NFIC: variants seen among roughly 807,000 people sequenced by gnomAD.
NFIC encodes nuclear factor I C, also known as nuclear factor 1 C-type.
Under a neutral mutation model 54.4 loss-of-function variants are expected in NFIC, and 12 were observed. The ratio of observed to expected loss-of-function variants is 0.22; its 90% CI spans 0.14 to 0.36. The LOEUF is 0.36. Ranked by LOEUF, NFIC falls within the 10% of genes least tolerant of loss-of-function variation. The pLI, the probability that NFIC is intolerant of heterozygous loss-of-function variation, is 1.00. For synonymous variants in NFIC, 322 were observed against 319.2 expected, an observed-to-expected ratio of 1.01 and a Z score of -0.09; for missense variants, 575 against 718.2, an observed-to-expected ratio of 0.80 and a Z score of 2.28.
At chr19:3,435,978 C>T (rs1271575973) in intron 6 of NFIC, among the ~76,000 whole-genome samples, 2 of 151,996 alleles carry the variant, frequency 1.3e-5, no homozygotes, top group African/African-American at 2.4e-5. Flanking sequence ...AGGCATGCAC[C>T]ACCATGCCCG....
At chr19:3,392,274 G>A (rs931647742) in intron 2 of NFIC, among the ~76,000 whole-genome samples, 1 of 152,048 alleles carries the variant, frequency 6.6e-6, no homozygotes, top group African/African-American at 2.4e-5. Flanking sequence ...GTTTCACTAT[G>A]TTGGCCAGGC....
chr19:3,361,892 A>C (rs1311505012), upstream of NFIC, among the ~76,000 whole-genome samples: 2 of 152,146 alleles, frequency 1.3e-5, no homozygotes, highest in Admixed American at 6.5e-5. Flanking sequence ...CTGTGTCTGC[A>C]TGACTCTGCA....
rs1408385322 is a variant in NFIC, at chr19:3,452,749, AC to A, written c.1269+85del. ...GGCCACGTGCTCACACGAAGGCACA[AC>A]CTCTGCTTAAAAGGGTCTTGAGGAC... On this transcript the variant is annotated intron_variant, in intron 8 of 10. Coordinates refer to ENST00000443272, the MANE Select transcript of NFIC (RefSeq NM_001245002.2). This position sits in a 1 kb window ranked among gnomAD's most constrained non-coding sequence, Gnocchi z 5.3. 4 of 1,474,306 alleles carry A rather than the reference AC, an allele frequency of 2.7e-6. No individual in the cohort carries two copies. The highest frequency in any genetic ancestry group is 2.7e-6 in the Non-Finnish European group (3 of 1,103,104). The allele number at this position is 1,474,306 out of a possible 1,614,324, so 91.3% of individuals were successfully genotyped here.
At chr19:3,429,914 G>A (rs1316271289) in intron 3 of NFIC, among the ~76,000 whole-genome samples, 2 of 152,148 alleles carry the variant, frequency 1.3e-5, no homozygotes, top group East Asian at 1.9e-4. Context: ...CAACAGTCAC[G>A]GGGCGGTTGC....
At chr19:3,402,039 T>C (rs1443055783) in intron 2 of NFIC, among the ~76,000 whole-genome samples, 4 of 146,730 alleles carry the variant, frequency 2.7e-5, no homozygotes, top group African/African-American at 1.1e-4. Context: ...ATTTATTTTC[T>C]TTCTTATTTT....
intron 2 of NFIC, 40 bp downstream of exon 2, chr19:3,382,283 G>GGT (rs1348781174): frequency 1.5e-5 from 23 of 1,575,802 alleles, no homozygotes; most frequent in Non-Finnish European, 1.8e-5. Flanking sequence ...CAGCGGGGAG[G>GGT]GTGTCTGATG....
Position 3,370,711 on chromosome 19 carries a change from C to T in NFIC, c.30+4045C>T, listed in dbSNP as rs117939810. Among the ~76,000 whole-genome samples, 2 of 139,750 alleles carry T rather than the reference C, an allele frequency of 1.4e-5. No individual in the cohort carries two copies. The highest frequency in any genetic ancestry group is 7.3e-5 in the Admixed American group (1 of 13,724). 91.7% of individuals were successfully genotyped at this position (139,750 alleles called of 152,430 possible). A position where few individuals can be genotyped will look rare whatever the true frequency, so the allele number is the denominator to read the frequency against. The stretch of plus-strand genomic sequence containing the variant: ...CTCTCTGTCTGTCTCTTTCTTTCTC[C>T]CTCCCTTCCTCTCTCTCTGTTCCTC... On this transcript the variant is annotated intron_variant, in intron 1 of 10. Coordinates refer to ENST00000443272, the MANE Select transcript of NFIC (RefSeq NM_001245002.2). The surrounding 1 kb of genome is among the most constrained non-coding windows in gnomAD (Gnocchi z 5.2).
chr19:3,364,439 C>T (rs959886201), upstream of NFIC, among the ~76,000 whole-genome samples: 11 of 152,144 alleles, frequency 7.2e-5, no homozygotes, highest in African/African-American at 9.7e-5. Context: ...GCAGCGAGCC[C>T]ACGCGGCAAT....
chr19:3,450,818 A>G (rs2145678999), intron 7 of NFIC, among the ~76,000 whole-genome samples: 1 of 152,310 alleles, frequency 6.6e-6, no homozygotes, highest in East Asian at 1.9e-4. Context: ...GGCAGTCCCA[A>G]ATCAAAGCAG....
intron 3 of NFIC, among the ~76,000 whole-genome samples, chr19:3,429,629 T>A (rs1206937790): frequency 2.0e-5 from 3 of 152,042 alleles, no homozygotes; most frequent in Non-Finnish European, 4.4e-5. Context: ...TGGCGGGGGT[T>A]TGGGTCTGCA....
intron 2 of NFIC, 133 bp downstream of exon 2, chr19:3,382,376 C>A: frequency 1.5e-6 from 2 of 1,298,906 alleles, no homozygotes; most frequent in Non-Finnish European, 1.0e-6. Flanking sequence ...GGGAAGTGGG[C>A]CTTGGAGAGT....
At chr19:3,430,889 G>A (rs1320861677) in intron 3 of NFIC, among the ~76,000 whole-genome samples, 2 of 141,998 alleles carry the variant, frequency 1.4e-5, no homozygotes, top group Non-Finnish European at 3.0e-5. Context: ...CCAAGATTGC[G>A]CCACTGCACT....
rs779390252 is a variant in NFIC at position 3,435,170 on chromosome 19, G to A, written c.921G>A (p.Thr307=). Residue 307 remains threonine, a synonymous_variant, in exon 6 of 11, where the codon ACG becomes ACA. Transcript: ENST00000443272. ...ACTACACTTCGCCCAGCTCGCCCAC[G>A]AGTAGCAGCCGCAACTGGACGGAGG... ...GDYYTSPSSP[T]SSSRNWTEDM... is the part of the protein sequence containing the mutation. The A allele has an allele frequency of 2.5e-6, 4 of 1,605,730 alleles. No homozygotes were observed. The highest frequency in any genetic ancestry group is 1.1e-5 in the South Asian group (1 of 89,428).
intron 10 of NFIC, among the ~76,000 whole-genome samples, chr19:3,461,774 G>A (rs2082641984): frequency 6.6e-6 from 1 of 151,642 alleles, no homozygotes; most frequent in African/African-American, 2.4e-5. Context: ...ATAAAATAAA[G>A]GCCAGGCAGA....
chr19:3,394,514 T>G, intron 2 of NFIC, among the ~76,000 whole-genome samples: 1 of 25,294 alleles, frequency 4.0e-5, no homozygotes, highest in East Asian at 2.2e-3. Context: ...TATGATCTTT[T>G]CCCCACCCAC....
chr19:3,403,507 C>CTCAAG (rs2081589295), intron 2 of NFIC, among the ~76,000 whole-genome samples: 1 of 152,180 alleles, frequency 6.6e-6, no homozygotes, highest in African/African-American at 2.4e-5. Flanking sequence ...CCTCTCCCTC[C>CTCAAG]CCAAGCAAGA....
chr19:3,403,706 G>C (rs1419354391), intron 2 of NFIC, among the ~76,000 whole-genome samples: 1 of 152,174 alleles, frequency 6.6e-6, no homozygotes, highest in Non-Finnish European at 1.5e-5. Flanking sequence ...GCCTCCTTTG[G>C]CTGGGCCGCC....
chr19:3,437,224 C>T (rs925961455), intron 6 of NFIC, among the ~76,000 whole-genome samples: 58 of 152,068 alleles, frequency 3.8e-4, no homozygotes, highest in African/African-American at 1.4e-3. Flanking sequence ...AAAAAATAGC[C>T]GGGCGTGGCG....
In NFIC at chr19:3,465,402, TAA is replaced by T. The variant is rs1181457955; in HGVS notation, c.*2636_*2637del. The T allele has an allele frequency of 5.2e-5, 1 of 19,216 alleles. No individual in the cohort carries two copies. The highest frequency in any genetic ancestry group is 8.8e-4 in the East Asian group (1 of 1,138). The allele number at this position is 19,216 out of a possible 1,614,324, so 1.2% of individuals were successfully genotyped here. ...GATGTATTTCTATTTGTAAAAAAAA[TAA>T]AATAAAAAATAAGAAAGTGAGAATC... is the stretch of plus-strand genomic sequence containing the variant. On this transcript the variant is annotated 3_prime_UTR_variant, in exon 11 of 11. Coordinates refer to ENST00000443272, the MANE Select transcript of NFIC (RefSeq NM_001245002.2).
Sources: gnomAD v4.1 joint callset for allele counts (sites outside exome capture counted in the v4.1 genomes callset) on GRCh38, gnomAD v4.1.1 for gene constraint, Gnocchi (gnomAD v3.1) non-coding constraint, MANE v1.5 for transcripts, NCBI Gene and HGNC (gene_info 2026-07-23, HGNC 2026-07-21) for gene names.